The following TSR1 variants were observed in gnomAD, a reference collection of about 807,000 sequenced individuals.
TSR1 encodes the protein pre-rRNA-processing protein TSR1 homolog.
In TSR1, 81 loss-of-function variants were observed where a neutral mutation model predicts 90.9. The observed-to-expected ratio is 0.89, with a 90% CI of 0.74 to 1.07. The LOEUF is 1.07. Ranked by LOEUF, TSR1 falls within the 50% of genes least tolerant of loss-of-function variation. TSR1 has a pLI of 0.00. For synonymous variants in TSR1, 362 were observed against 348.8 expected (o/e 1.04, Z -0.42); for missense variants, 989 against 987.3 (o/e 1.00, Z -0.02).
rs955217875 is a variant in TSR1, at chr17:2,331,010, G to C, written c.1596C>G (p.Asn532Lys). The change falls in exon 9 of 15, where the codon AAC (asparagine) becomes AAG (lysine). Residue 532 changes from asparagine to lysine, a missense_variant. By Grantham distance (94) the Asn-to-Lys change is moderately conservative. Coordinates refer to ENST00000301364, the MANE Select transcript of TSR1 (RefSeq NM_018128.5). ...QDYARIFQFQ[N>K]FTNTRKSIFK... ...AGATGCTTTTCCTAGTGTTAGTAAAGTTCTGAAACTGAAATATTCGAGCAT... is the reference window on the plus strand; with the variant it reads ...AGATGCTTTTCCTAGTGTTAGTAAACTTCTGAAACTGAAATATTCGAGCAT... 19 of 1,611,414 alleles carry C rather than the reference G, an allele frequency of 1.2e-5. No homozygotes were observed. Among genetic ancestry groups the C allele is most frequent in the Non-Finnish European group, 1.6e-5 (19 of 1,179,452 alleles).
In TSR1 at chr17:2,323,874, T is replaced by C. The variant is rs143157273; in HGVS notation, c.*322A>G. 1.7e-5 allele frequency: 27 copies of C among 1,613,228 alleles called. No homozygotes were observed. In the African/African-American group the frequency reaches 3.5e-4, roughly 21 times the overall value. ...TTCTTATCAGTCTGTTTCTGTTTAA[T>C]TTACAGAAAAGGAAATGGTGGGAAT... On this transcript the variant is annotated 3_prime_UTR_variant, in exon 15 of 15. Coordinates refer to ENST00000301364, the MANE Select transcript of TSR1 (RefSeq NM_018128.5).
chr17:2,324,205 G>T lies in TSR1; in HGVS notation c.2406C>A (p.Gly802=). 1 of 1,520,636 alleles carries T rather than the reference G, an allele frequency of 6.6e-7. No homozygotes were observed. Among genetic ancestry groups the T allele is most frequent in the South Asian group, 1.4e-5 (1 of 73,232 alleles). The allele number at this position is 1,520,636 out of a possible 1,614,324, so 94.2% of individuals were successfully genotyped here. Residue 802 remains glycine, a synonymous_variant, in exon 15 of 15, where the codon GGC becomes GGA. Transcript: ENST00000301364. ...AATCTCTTTGAATCCATTACTCCAT[G>T]CCCCCTTGAGGCACTGTTGAAGAAA... ...SEISSTVPQG[G]ME
intron 11 of TSR1, among the ~76,000 whole-genome samples, chr17:2,326,854 C>T (rs2075578714): frequency 6.6e-6 from 1 of 152,202 alleles, no homozygotes; most frequent in African/African-American, 2.4e-5. Flanking sequence ...CCTGTAATCC[C>T]AGCACTTTGG....
chr17:2,326,066 G>C (rs1025221098), intron 11 of TSR1, among the ~76,000 whole-genome samples: 2 of 152,128 alleles, frequency 1.3e-5, no homozygotes, highest in African/African-American at 4.8e-5. Flanking sequence ...AGCTGGAATT[G>C]CAGGTGCCTG....
chr17:2,332,450 G>T, intron 7 of TSR1, 91 bp from the exon 8 acceptor site: 1 of 1,107,006 alleles, frequency 9.0e-7, no homozygotes, highest in Non-Finnish European at 1.3e-6. Flanking sequence ...AATTGTACTA[G>T]ATCCCTATTC....
In TSR1 at chr17:2,335,303, A is replaced by G. The variant is rs1169256053; in HGVS notation, c.513T>C (p.Asp171=). Residue 171 remains aspartate, a synonymous_variant, in exon 4 of 15, where the codon GAT becomes GAC. Transcript: ENST00000301364. ...GAGCAAAGAGGCAGGAAAGACAGTA[A>G]TCACCGGTGCTGTCCCAGCCTTCTA... ...DPLEGWDSTG[D]YCLSCLFAQG... is the part of the protein sequence containing the mutation. The G allele has an allele frequency of 6.2e-7, 1 of 1,613,980 alleles. No homozygotes were observed. Among genetic ancestry groups the G allele is most frequent in the African/African-American group, 1.3e-5 (1 of 74,908 alleles).
rs1160352821 is a variant in TSR1 at position 2,324,996 on chromosome 17, T to G, written c.2021-167A>C. The G allele has an allele frequency of 5.6e-6, 4 of 716,108 alleles. No homozygotes were observed. In the African/African-American group the frequency reaches 7.1e-5, roughly 13 times the overall value. 44.4% of individuals were successfully genotyped at this position (716,108 alleles called of 1,614,324 possible). On this transcript the variant is annotated intron_variant, in intron 12 of 14. Coordinates refer to ENST00000301364, the MANE Select transcript of TSR1 (RefSeq NM_018128.5). ...GTAAGCCCACACTTAACCTTGTCAATAGGTTCTTGAAAACTTGTACTTCAA... is the reference window on the plus strand; with the variant it reads ...GTAAGCCCACACTTAACCTTGTCAAGAGGTTCTTGAAAACTTGTACTTCAA...
Position 2,325,395 on chromosome 17 carries a change from G to T in TSR1, c.1929C>A (p.Phe643Leu), listed in dbSNP as rs1421631720. ...CCACCAGGGCCATGTCAGCAGTCAG[G>T]AATCTCTGCAATTTATGTTTGTCCG... is the stretch of plus-strand genomic sequence containing the variant. ...TAADKHKLQR[F>L]LTADMALVAT... The change falls in exon 12 of 15, where the codon TTC becomes TTA. Residue 643 changes from phenylalanine to leucine, a missense_variant. Physicochemically the swap from Phe to Leu is conservative, Grantham distance 22 (BLOSUM62 0). Transcript: ENST00000301364. 1 of 1,612,246 alleles carries T rather than the reference G, an allele frequency of 6.2e-7. No homozygotes were observed.
intron 9 of TSR1, 132 bp downstream of exon 9, chr17:2,330,815 C>A: frequency 9.4e-7 from 1 of 1,069,168 alleles, no homozygotes; most frequent in Non-Finnish European, 1.3e-6. Flanking sequence ...TTCCCAGTAT[C>A]ATTCTAATCA....
rs1484669230 is a variant in TSR1 at position 2,329,491 on chromosome 17, G to A, written c.1771-16C>T. The A allele has an allele frequency of 1.9e-6, 3 of 1,610,470 alleles. No individual in the cohort carries two copies. The highest frequency in any genetic ancestry group is 2.5e-6 in the Non-Finnish European group (3 of 1,179,090). ...ATACTGACATCTGGGGACCAAGTAA[G>A]AAAAACAAAAATCTTCATAGTCTAG... is the stretch of plus-strand genomic sequence containing the variant. On this transcript the variant is annotated splice_polypyrimidine_tract_variant and intron_variant, in intron 10 of 14. Coordinates refer to ENST00000301364, the MANE Select transcript of TSR1 (RefSeq NM_018128.5).
Position 2,333,649 on chromosome 17 carries a change from C to T in TSR1, c.1049G>A (p.Gly350Asp). The T allele has an allele frequency of 6.2e-7, 1 of 1,614,108 alleles. No homozygotes were observed. The highest frequency in any genetic ancestry group is 8.5e-7 in the Non-Finnish European group (1 of 1,180,038). The change falls in exon 6 of 15, where the codon GGT (glycine) becomes GAT (aspartate). Residue 350 changes from glycine (G) to aspartate (D), a missense_variant. Coordinates refer to ENST00000301364, the MANE Select transcript of TSR1 (RefSeq NM_018128.5). Reference protein sequence around the residue: ...GLKVLMKADPGRQESLQAEVI... With the variant: ...GLKVLMKADPDRQESLQAEVI... ...CTCTGCTTGCAAGGATTCCTGTCTA[C>T]CAGGGTCTGCCTTCATTAGGACTTT...
chr17:2,325,446 A>G (rs748328341), intron 11 of TSR1, 26 bp from the exon 12 acceptor site: 1 of 1,579,308 alleles, frequency 6.3e-7, no homozygotes, highest in Non-Finnish European at 8.6e-7. Context: ...AAAAATGAAA[A>G]GCAAAACCAT....
At position 2,334,927 on chromosome 17, in the gene TSR1, C is replaced by T. The variant is rs757919508; in HGVS notation, c.557-31G>A. 5.1e-6 allele frequency: 8 copies of T among 1,578,292 alleles called. No individual in the cohort carries two copies. In the Admixed American group the frequency reaches 5.4e-5, roughly 11 times the overall value. On this transcript the variant is annotated intron_variant, in intron 4 of 14. Transcript: ENST00000301364. ...AGCGAAAGAGAAAACGCTTCATGAC[C>T]TACTGCTTCATTACATAAAAATCCC...
At position 2,335,697 on chromosome 17, in the gene TSR1, C is replaced by A. The variant is rs1411107238; in HGVS notation, c.235G>T (p.Asp79Tyr). 6.2e-7 allele frequency: 1 copy of A among 1,613,758 alleles called. No individual in the cohort carries two copies. Among genetic ancestry groups the A allele is most frequent in the Non-Finnish European group, 8.5e-7 (1 of 1,180,010 alleles). ...LAEKRQLGGK[D>Y]GPPHQVLVVP... ...ACCAGTACCTGATGAGGAGGGCCAT[C>A]CTTGCCACCCAGCTGTCTCTTCTCT... The change falls in exon 3 of 15, where the codon GAT becomes TAT. Residue 79 changes from aspartate to tyrosine, a missense_variant. Asp to Tyr is a radical substitution (Grantham distance 160, BLOSUM62 -3). Transcript: ENST00000301364.
At chr17:2,325,102 G>T in intron 12 of TSR1, 1 of 590,992 alleles carries the variant, frequency 1.7e-6, no homozygotes, top group Non-Finnish European at 2.9e-6. Flanking sequence ...GCAGTTATTT[G>T]AGGACTGGCT....
In TSR1 at chr17:2,324,247, G is replaced by A; in HGVS notation, c.2364C>T (p.Pro788=). The change falls in exon 15 of 15, where the codon CCC becomes CCT. Residue 788 remains proline, a synonymous_variant. Transcript: ENST00000301364. ...TTGAAGAAATCTCACTTTTCAGCCA[G>A]GGTACTGGTTCTGGTACATATGGAT... is the stretch of plus-strand genomic sequence containing the variant. ...TYDPYVPEPV[P]WLKSEISSTV... The A allele has an allele frequency of 6.5e-7, 1 of 1,534,304 alleles. No individual in the cohort carries two copies. Among genetic ancestry groups the A allele is most frequent in the Non-Finnish European group, 8.7e-7 (1 of 1,147,014 alleles).
In TSR1 at chr17:2,334,752, C is replaced by T; in HGVS notation, c.701G>A (p.Arg234Lys). Residue 234 changes from arginine to lysine, a missense_variant, in exon 5 of 15, where the codon AGG (arginine) becomes AAG (lysine). Physicochemically the swap from Arg to Lys is conservative, Grantham distance 26. Coordinates refer to ENST00000301364, the MANE Select transcript of TSR1 (RefSeq NM_018128.5). ...CTGTTGCTTCTGGTTAGCCAACTGC[C>T]TAAGCAGCATCCCTGCCTCCTGTTG... ...DTQQEAGMLL[R>K]QLANQKQQHL... is the part of the protein sequence containing the mutation. The T allele has an allele frequency of 1.2e-6, 2 of 1,614,216 alleles. No homozygotes were observed. The highest frequency in any genetic ancestry group is 1.7e-6 in the Non-Finnish European group (2 of 1,180,052).
rs955430889 is a variant in TSR1 at position 2,333,776 on chromosome 17, A to G, written c.982-60T>C. On this transcript the variant is annotated intron_variant, in intron 5 of 14. Coordinates refer to ENST00000301364, the MANE Select transcript of TSR1 (RefSeq NM_018128.5). ...ACCAAAAATCTCCTAAATCTAACAC[A>G]GTAACCAGAAAGACCCAGAAATATC... The G allele has an allele frequency of 3.7e-6, 6 of 1,600,834 alleles. No individual in the cohort carries two copies. In the African/African-American group the frequency reaches 8.0e-5, roughly 21 times the overall value.
chr17:2,335,351 G>T lies in TSR1; in HGVS notation c.465C>A (p.Thr155=). ...CTAGTGGATCAAGGAGGAACAGGAT[G>T]GTATCAGCTACTTTAGCCATGTCTA... The part of the protein sequence containing the change: ...VVLDMAKVAD[T]ILFLLDPLEG... Residue 155 remains threonine (T), a synonymous_variant, in exon 4 of 15, where the codon ACC becomes ACA. Transcript: ENST00000301364. The T allele has an allele frequency of 1.2e-6, 2 of 1,613,672 alleles. No homozygotes were observed.
Sources: gnomAD v4.1 joint callset for allele counts (sites outside exome capture counted in the v4.1 genomes callset) on GRCh38, gnomAD v4.1.1 for gene constraint, MANE v1.5 for transcripts, NCBI Gene and HGNC (gene_info 2026-07-23, HGNC 2026-07-21) for gene names.